TKT: variants seen among roughly 807,000 people sequenced by gnomAD.
The protein encoded by TKT is transketolase, also known as epididymis luminal protein 107.
A neutral mutation model predicts 63.9 loss-of-function variants in TKT; 47 were observed. The ratio of observed to expected loss-of-function variants is 0.74; its 90% CI spans 0.58 to 0.94. The LOEUF (loss-of-function observed/expected upper bound fraction) is 0.94, where lower values mean the gene tolerates loss of function less well. Ranked by LOEUF, TKT falls within the 40% of genes least tolerant of loss-of-function variation. The probability of loss-of-function intolerance (pLI) is 0.00; values close to 1 mark genes in which losing one functional copy is unlikely to be tolerated. For synonymous variants in TKT, 338 were observed against 334.1 expected, an observed-to-expected ratio of 1.01 and a Z score of -0.13; for missense variants, 721 against 846.2, an observed-to-expected ratio of 0.85 and a Z score of 1.84.
intron 1 of TKT, among the ~76,000 whole-genome samples, chr3:53,249,934 C>T (rs1187523573): frequency 6.6e-6 from 1 of 152,188 alleles, no homozygotes; most frequent in South Asian, 2.1e-4. Flanking sequence ...AACAAGCCTG[C>T]CACAAGAGAC....
rs1553679537 is a variant in TKT, at chr3:53,240,342, C to T, written c.346G>A (p.Ala116Thr). The T allele has an allele frequency of 6.2e-7, 1 of 1,611,962 alleles. No individual in the cohort carries two copies. Among genetic ancestry groups the T allele is most frequent in the Non-Finnish European group, 8.5e-7 (1 of 1,178,616 alleles). The part of the protein sequence containing the change: ...DLDGHPVPKQ[A>T]FTDVATGSLG... ...GAGCCAGTGGCCACGTCGGTGAAAG[C>T]TTGTTTCTGTCATAACAGAAGGCCA... The change falls in exon 4 of 14, where the codon GCT becomes ACT. Residue 116 changes from alanine to threonine, a missense_variant. Ala to Thr is a moderately conservative substitution (Grantham distance 58, BLOSUM62 0). Coordinates refer to ENST00000462138, the MANE Select transcript of TKT (RefSeq NM_001064.4).
Position 53,226,216 on chromosome 3 carries a change from G to T in TKT, c.1697-285C>A, listed in dbSNP as rs148730860. On this transcript the variant is annotated intron_variant, in intron 13 of 13. Transcript: ENST00000462138. ...ATTGCAGGTGTGAGCCACCATGCAC[G>T]GCCCAGAACTATTTTTATAAGCCCA... 1.1e-4 allele frequency: 41 copies of T among 357,058 alleles called. 1 individual carries two copies. In the Middle Eastern group the frequency reaches 3.0e-3, roughly 26 times the overall value. The allele number at this position is 357,058 out of a possible 1,614,324, so 22.1% of individuals were successfully genotyped here. A position where few individuals can be genotyped will look rare whatever the true frequency, so the allele number is the denominator to read the frequency against.
In TKT at chr3:53,245,007, T is replaced by C. The variant is rs375282418; in HGVS notation, c.108-2765A>G. On this transcript the variant is annotated intron_variant, in intron 1 of 13. Transcript: ENST00000462138. The stretch of plus-strand genomic sequence containing the variant: ...TAGAGCTAGGCCCAAAGAAAGTCTC[T>C]TAAAGCCCCCTCCAGGCTGGGGGCA... Among the ~76,000 whole-genome samples the C allele has an allele frequency of 2.0e-5, 3 of 152,114 alleles. No homozygotes were observed. In the East Asian group the frequency reaches 5.8e-4, roughly 29 times the overall value.
intron 1 of TKT, among the ~76,000 whole-genome samples, chr3:53,244,906 A>T (rs1296293623): frequency 6.6e-6 from 1 of 150,942 alleles, no homozygotes; most frequent in African/African-American, 2.4e-5. Context: ...AAAAAAAACT[A>T]ACACACCCTG....
At position 53,247,633 on chromosome 3, in the gene TKT, CA is replaced by C. The variant is rs3075723; in HGVS notation, c.108-5392del. Among the ~76,000 whole-genome samples, 139 of 66,974 alleles carry C rather than the reference CA, an allele frequency of 2.1e-3. 2 individuals are homozygous for C. The highest frequency in any genetic ancestry group is 8.6e-3 in the South Asian group (11 of 1,278). The allele number at this position is 66,974 out of a possible 152,430, so 43.9% of individuals were successfully genotyped here. ...CCAGCCTAGGCAACAGACTCCACCT[CA>C]AAAAAAAAAAAAAAAAAAAAAAATA... On this transcript the variant is annotated intron_variant, in intron 1 of 13. Transcript: ENST00000462138.
At chr3:53,240,163 A>C in intron 4 of TKT, 88 bp downstream of exon 4, 1 of 1,274,368 alleles carries the variant, frequency 7.8e-7, no homozygotes, top group Non-Finnish European at 1.1e-6. Context: ...GGAAAGAGGA[A>C]GAGTCTGGGG....
intron 9 of TKT, 34 bp downstream of exon 9, chr3:53,229,246 G>T: frequency 6.2e-7 from 1 of 1,613,462 alleles, no homozygotes; most frequent in Non-Finnish European, 8.5e-7. Flanking sequence ...AAAGTCAAGG[G>T]AGCTCCAGGT....
At chr3:53,225,959 G>A (rs1704481729) in intron 13 of TKT, 28 bp from the exon 14 acceptor site, 1 of 1,593,744 alleles carries the variant, frequency 6.3e-7, no homozygotes, top group Non-Finnish European at 8.6e-7. Flanking sequence ...GGAGTCAGAA[G>A]ACGAGGCCTC....
At chr3:53,233,101 G>A in intron 6 of TKT, 55 bp downstream of exon 6, 1 of 1,481,298 alleles carries the variant, frequency 6.8e-7, no homozygotes, top group South Asian at 1.2e-5. Context: ...GAGCTACGTA[G>A]CCACAGTGTC....
At position 53,225,689 on chromosome 3, in the gene TKT, C is replaced by A; in HGVS notation, c.*67G>T. 2 of 1,483,678 alleles carry A rather than the reference C, an allele frequency of 1.3e-6. No homozygotes were observed. Among genetic ancestry groups the A allele is most frequent in the South Asian group, 2.7e-5 (2 of 74,338 alleles). 91.9% of individuals were successfully genotyped at this position (1,483,678 alleles called of 1,614,324 possible). A position where few individuals can be genotyped will look rare whatever the true frequency, so the allele number is the denominator to read the frequency against. The stretch of plus-strand genomic sequence containing the variant: ...CATATATTTACCCCTCCTCTCAGTA[C>A]ATCTTTGAGCACCTTTCCCAGAATC... On this transcript the variant is annotated 3_prime_UTR_variant, in exon 14 of 14. Transcript: ENST00000462138.
At chr3:53,249,123 T>C (rs1559659806) in intron 1 of TKT, among the ~76,000 whole-genome samples, 1 of 151,836 alleles carries the variant, frequency 6.6e-6, no homozygotes, top group Non-Finnish European at 1.5e-5. Flanking sequence ...CCTGCTACCA[T>C]GCCCGACTCA....
At chr3:53,227,706 A>T in intron 12 of TKT, 1 of 229,200 alleles carries the variant, frequency 4.4e-6, no homozygotes, top group Non-Finnish European at 8.8e-6. Context: ...ATAGGAAAAC[A>T]GGCATGGTGA....
At chr3:53,243,784 C>T (rs1553680412) in intron 1 of TKT, among the ~76,000 whole-genome samples, 1 of 152,210 alleles carries the variant, frequency 6.6e-6, no homozygotes, top group African/African-American at 2.4e-5. Flanking sequence ...ACCTCTCGTC[C>T]TTCCCACCTC....
At position 53,230,485 on chromosome 3, in the gene TKT, A is replaced by T; in HGVS notation, c.1079T>A (p.Ile360Asn). The change falls in exon 8 of 14, where the codon ATC becomes AAC. Residue 360 changes from isoleucine to asparagine, a missense_variant. Physicochemically the swap from Ile to Asn is moderately radical, Grantham distance 149. Coordinates refer to ENST00000462138, the MANE Select transcript of TKT (RefSeq NM_001064.4). ...IFKKEHPDRFIECYIAEQNMV... is the reference protein window; with the variant it reads ...IFKKEHPDRFNECYIAEQNMV... Reference sequence around the variant, plus strand: ...GTTCTGCTCAGCAATGTAGCACTCGATGAAGCGGTCCGGGTGCTCCTTTTT... The same window carrying T: ...GTTCTGCTCAGCAATGTAGCACTCGTTGAAGCGGTCCGGGTGCTCCTTTTT... 6.2e-7 allele frequency: 1 copy of T among 1,614,156 alleles called. No individual in the cohort carries two copies. The highest frequency in any genetic ancestry group is 8.5e-7 in the Non-Finnish European group (1 of 1,180,020).
At position 53,235,179 on chromosome 3, in the gene TKT, G is replaced by C. The variant is rs1033253219; in HGVS notation, c.438-5C>G. The C allele has an allele frequency of 1.2e-6, 2 of 1,605,812 alleles. No homozygotes were observed. Among genetic ancestry groups the C allele is most frequent in the African/African-American group, 2.7e-5 (2 of 74,846 alleles). ...AGCAAGCAATAGACTCGGTAGCTGT[G>C]GACAGAGAGTGAATCAGGCCAGTCC... On this transcript the variant is annotated splice_region_variant and splice_polypyrimidine_tract_variant and intron_variant, in intron 4 of 13. Coordinates refer to ENST00000462138, the MANE Select transcript of TKT (RefSeq NM_001064.4).
In TKT at chr3:53,242,177, T is replaced by C. The variant is rs2106705964; in HGVS notation, c.173A>G (p.Tyr58Cys). 3 of 1,614,128 alleles carry C rather than the reference T, an allele frequency of 1.9e-6. No homozygotes were observed. The highest frequency in any genetic ancestry group is 2.2e-5 in the East Asian group (1 of 44,878). Reference protein sequence around the residue: ...MAVLFFHTMRYKSQDPRNPHN... With the variant: ...MAVLFFHTMRCKSQDPRNPHN... ...CGGATTCCGGGGGTCCTGGGACTTG[T>C]AGCGCATGGTGTGGAAAAAGAGGAC... The change falls in exon 2 of 14, where the codon TAC (tyrosine) becomes TGC (cysteine). Residue 58 changes from tyrosine (Y) to cysteine (C), a missense_variant. By Grantham distance (194) the Tyr-to-Cys change is radical. Transcript: ENST00000462138.
chr3:53,242,509 C>T (rs1346174496), intron 1 of TKT, among the ~76,000 whole-genome samples: 1 of 152,118 alleles, frequency 6.6e-6, no homozygotes, highest in African/African-American at 2.4e-5. Context: ...ATCACGGCAA[C>T]TGAAAATATC....
chr3:53,232,303 C>T, intron 6 of TKT: 1 of 399,010 alleles, frequency 2.5e-6, no homozygotes. Context: ...TGACAATATC[C>T]CAGAGCCCTT....
At chr3:53,232,687 C>A (rs1340080027) in intron 6 of TKT, 8 of 398,104 alleles carry the variant, frequency 2.0e-5, no homozygotes, top group Non-Finnish European at 3.5e-5. Context: ...GGCTCTTGGC[C>A]CACACAGGCC....
Sources: allele counts gnomAD v4.1 joint callset (sites outside exome capture counted in the v4.1 genomes callset), GRCh38; gene constraint gnomAD v4.1.1; transcripts MANE v1.5; gene names NCBI Gene and HGNC (gene_info 2026-07-23, HGNC 2026-07-21).